Variants in SORCS2 observed in about 807,000 individuals in gnomAD.
SORCS2 encodes sortilin related VPS10 domain containing receptor 2.
In SORCS2, 100 loss-of-function variants were observed where a neutral mutation model predicts 141.6. That is an observed-to-expected ratio of 0.71 (90% confidence interval 0.60 to 0.83). The LOEUF is 0.83. SORCS2 is among the 40% of genes least tolerant of loss of function. The probability of loss-of-function intolerance (pLI) is 0.00; values close to 1 mark genes in which losing one functional copy is unlikely to be tolerated. For missense variants in SORCS2, 1,646 were observed against 1,560.2 expected (o/e 1.05, Z -0.93); for synonymous variants, 789 against 676.9 (o/e 1.17, Z -2.57).
intron 1 of SORCS2, among the ~76,000 whole-genome samples, chr4:7,200,174 G>A (rs527884755): frequency 9.2e-5 from 14 of 152,250 alleles, no homozygotes; most frequent in African/African-American, 2.6e-4. Flanking sequence ...AGGGACTTTC[G>A]GTTTGGGGTG....
intron 2 of SORCS2, among the ~76,000 whole-genome samples, chr4:7,396,811 C>T (rs1479532003): frequency 1.3e-5 from 2 of 152,186 alleles, no homozygotes; most frequent in Non-Finnish European, 2.9e-5. Context: ...AAATAAGCCA[C>T]TGGCGATGGG....
At chr4:7,631,480 G>T (rs1366038811) in intron 3 of SORCS2, among the ~76,000 whole-genome samples, 1 of 152,034 alleles carries the variant, frequency 6.6e-6, no homozygotes, top group Non-Finnish European at 1.5e-5. Context: ...TGTCGACTCT[G>T]GCCCACCCTG....
chr4:7,242,063 C>T (rs1381212539), intron 1 of SORCS2, among the ~76,000 whole-genome samples: 6 of 152,176 alleles, frequency 3.9e-5, no homozygotes, highest in Admixed American at 3.9e-4. Context: ...ATCACCTAGG[C>T]AGCTTCAGGA....
chr4:7,299,722 T>C (rs1717311300), intron 1 of SORCS2, among the ~76,000 whole-genome samples: 1 of 152,190 alleles, frequency 6.6e-6, no homozygotes, highest in African/African-American at 2.4e-5. Context: ...GCCTGTGTCT[T>C]CCTCCAACTT....
At chr4:7,337,905 A>G (rs1720090462) in intron 1 of SORCS2, among the ~76,000 whole-genome samples, 1 of 151,652 alleles carries the variant, frequency 6.6e-6, no homozygotes, top group African/African-American at 2.4e-5. Flanking sequence ...CCCTTGCTGG[A>G]AACACCCAGC....
Position 7,676,044 on chromosome 4 carries a change from C to G in SORCS2, c.1162-6C>G. The G allele has an allele frequency of 6.4e-7, 1 of 1,574,526 alleles. No individual in the cohort carries two copies. The highest frequency in any genetic ancestry group is 1.8e-5 in the Admixed American group (1 of 54,756). ...CTGACCCTGTGCTCCCTGCACATCC[C>G]CACAGGATCTGCAGATCATCAGCAC... On this transcript the variant is annotated splice_region_variant and splice_polypyrimidine_tract_variant and intron_variant, in intron 8 of 26. Transcript: ENST00000507866.
At chr4:7,434,484 C>T in intron 2 of SORCS2, 1 of 1,611,938 alleles carries the variant, frequency 6.2e-7, no homozygotes, top group Non-Finnish European at 8.5e-7. Context: ...CTGTGCACAC[C>T]TGTGCCGGGG....
In SORCS2 at chr4:7,703,275, T is replaced by C. The variant is rs1216106846; in HGVS notation, c.1669-5T>C. The C allele has an allele frequency of 6.2e-7, 1 of 1,609,108 alleles. No individual in the cohort carries two copies. On this transcript the variant is annotated splice_polypyrimidine_tract_variant and splice_region_variant and intron_variant, in intron 12 of 26. Coordinates refer to ENST00000507866, the MANE Select transcript of SORCS2 (RefSeq NM_020777.3). The stretch of plus-strand genomic sequence containing the variant: ...TGCCCTCAGCCACACCACTCTCCTC[T>C]GCAGGTGTTTGAGGAAGAGCATCAC...
chr4:7,699,180 A>G (rs985546548), intron 12 of SORCS2, among the ~76,000 whole-genome samples: 3 of 152,082 alleles, frequency 2.0e-5, no homozygotes, highest in Non-Finnish European at 4.4e-5. Context: ...TGAAGTGGGG[A>G]CAGGCTCTCT....
At chr4:7,437,884 G>A (rs922013204) in intron 2 of SORCS2, among the ~76,000 whole-genome samples, 4 of 151,984 alleles carry the variant, frequency 2.6e-5, no homozygotes, top group Non-Finnish European at 5.9e-5. Flanking sequence ...CACCTACCTA[G>A]CCACCTACCT....
intron 1 of SORCS2, among the ~76,000 whole-genome samples, chr4:7,215,875 C>A (rs1370161271): frequency 6.6e-6 from 1 of 152,022 alleles, no homozygotes; most frequent in Non-Finnish European, 1.5e-5. Flanking sequence ...AGCACCCTGT[C>A]AAAACAGGCC....
At chr4:7,555,059 T>C (rs1015165525) in intron 3 of SORCS2, among the ~76,000 whole-genome samples, 1 of 152,162 alleles carries the variant, frequency 6.6e-6, no homozygotes, top group African/African-American at 2.4e-5. Flanking sequence ...AGCAGCACTG[T>C]CCACAAGGTG....
intron 2 of SORCS2, among the ~76,000 whole-genome samples, chr4:7,415,160 C>T (rs1423773739): frequency 6.6e-6 from 1 of 152,176 alleles, no homozygotes. Context: ...GGCTGGTGGC[C>T]AGGATGTCCT....
At chr4:7,306,237 A>G (rs1222114172) in intron 1 of SORCS2, among the ~76,000 whole-genome samples, 1 of 152,170 alleles carries the variant, frequency 6.6e-6, no homozygotes, top group Non-Finnish European at 1.5e-5. Context: ...TCCAGAGCCC[A>G]CAGTCGGCTG....
At position 7,521,391 on chromosome 4, in the gene SORCS2, G is replaced by A. The variant is rs144616183; in HGVS notation, c.549-10139G>A. ...TCCTTCCCCTCTGTTCACCCACCTCGCTGGCGCCTGATGCCCCCTTTCACA... is the reference window on the plus strand; with the variant it reads ...TCCTTCCCCTCTGTTCACCCACCTCACTGGCGCCTGATGCCCCCTTTCACA... On this transcript the variant is annotated intron_variant, in intron 2 of 26. Transcript: ENST00000507866. Among the ~76,000 whole-genome samples, 69 of 152,210 alleles carry A rather than the reference G, an allele frequency of 4.5e-4. 1 individual carries two copies. Among genetic ancestry groups the A allele is most frequent in the African/African-American group, 1.6e-3 (67 of 41,522 alleles).
rs1480090806 is a variant in SORCS2, at chr4:7,697,238, G to A, written c.1632G>A (p.Met544Ile). ...AGCTGGTGGAATATAAAGAAGAAAT[G>A]TACATCACGTCAGACTGTGGTCACA... is the stretch of plus-strand genomic sequence containing the variant. ...GSQLVEYKEE[M>I]YITSDCGHTW... is the part of the protein sequence containing the mutation. The change falls in exon 12 of 27, where the codon ATG (methionine) becomes ATA (isoleucine). Residue 544 changes from methionine to isoleucine, a missense_variant. Transcript: ENST00000507866. 1 of 1,591,566 alleles carries A rather than the reference G, an allele frequency of 6.3e-7. No individual in the cohort carries two copies. The highest frequency in any genetic ancestry group is 2.3e-5 in the East Asian group (1 of 43,992).
chr4:7,249,819 G>C (rs564835952), intron 1 of SORCS2, among the ~76,000 whole-genome samples: 1 of 152,262 alleles, frequency 6.6e-6, no homozygotes, highest in East Asian at 1.9e-4. Context: ...GCCAGGACCC[G>C]CAGGTTTCCT....
intron 1 of SORCS2, among the ~76,000 whole-genome samples, chr4:7,296,884 G>A (rs901129403): frequency 6.6e-6 from 1 of 152,144 alleles, no homozygotes; most frequent in Non-Finnish European, 1.5e-5. Flanking sequence ...TGGGTGCCTC[G>A]ACTCCCCAGC....
chr4:7,281,977 C>T (rs974734723), intron 1 of SORCS2, among the ~76,000 whole-genome samples: 11 of 152,210 alleles, frequency 7.2e-5, no homozygotes, highest in African/African-American at 2.4e-4. Context: ...CTCCACGCAC[C>T]CACTCCTGAA....
Sources: allele counts gnomAD v4.1 joint callset (sites outside exome capture counted in the v4.1 genomes callset), GRCh38; gene constraint gnomAD v4.1.1; transcripts MANE v1.5; gene names NCBI Gene and HGNC (gene_info 2026-07-23, HGNC 2026-07-21).